B3GALT1: variants seen among roughly 807,000 people sequenced by gnomAD.
B3GALT1 encodes the protein UDP-Gal:betaGlcNAc beta 1,3-galactosyltransferase, polypeptide 1.
A neutral mutation model predicts 23.2 loss-of-function variants in B3GALT1; 10 were observed. That is an observed-to-expected ratio of 0.43 (90% CI 0.27 to 0.73). B3GALT1 has a LOEUF of 0.73. Ranked by LOEUF, B3GALT1 falls within the 30% of genes least tolerant of loss-of-function variation. The probability of loss-of-function intolerance (pLI) is 0.21; values close to 1 mark genes in which losing one functional copy is unlikely to be tolerated. For missense variants in B3GALT1, 299 were observed against 405.4 expected (o/e 0.74, Z 2.25); for synonymous variants, 156 against 141.5 (o/e 1.10, Z -0.73).
chr2:167,383,491 C>G (rs903601281), intron 1 of B3GALT1, among the ~76,000 whole-genome samples: 1 of 152,100 alleles, frequency 6.6e-6, no homozygotes, highest in Non-Finnish European at 1.5e-5. Context: ...CACTGACCTT[C>G]CTGAGCTCTA....
intron 2 of B3GALT1, among the ~76,000 whole-genome samples, chr2:167,538,744 A>G (rs1574125966): frequency 6.6e-6 from 1 of 152,266 alleles, no homozygotes; most frequent in Admixed American, 6.5e-5. Context: ...AGAACATTAT[A>G]TAAATCATAG....
At position 167,748,430 on chromosome 2, in the gene B3GALT1, T is replaced by C. The variant is rs1191577420; in HGVS notation, c.-351-70242T>C. The stretch of plus-strand genomic sequence containing the variant: ...TTCATTAAGTCTTCAAGGGAGAAAA[T>C]GGAAATTAAAATATCTCTTGAAGCT... On this transcript the variant is annotated intron_variant, in intron 3 of 4. Coordinates refer to ENST00000392690, the MANE Select transcript of B3GALT1 (RefSeq NM_020981.4). 2.0e-5 allele frequency among the ~76,000 whole-genome samples: 3 copies of C among 152,136 alleles called. No individual in the cohort carries two copies. In the South Asian group the frequency reaches 6.2e-4, roughly 32 times the overall value.
intron 1 of B3GALT1, among the ~76,000 whole-genome samples, chr2:167,445,800 G>C (rs1005112086): frequency 6.6e-6 from 1 of 152,088 alleles, no homozygotes. Context: ...ACACTGATGG[G>C]TCTTGACTCT....
rs58834919 is a variant in B3GALT1, at chr2:167,713,751, G to A, written c.-352+66785G>A. 8.9e-4 allele frequency: 1,408 copies of A among 1,583,776 alleles called. 4 individuals carry two copies. In the African/African-American group the frequency reaches 0.014, roughly 15 times the overall value. On this transcript the variant is annotated intron_variant, in intron 3 of 4. Transcript: ENST00000392690. ...ACTTGCTTCTACCTTCAGAATGTGG[G>A]GTTGGGGTAAAATCCAGGTCTTGGA...
chr2:167,397,403 A>G (rs187692131), intron 1 of B3GALT1, among the ~76,000 whole-genome samples: 1 of 152,176 alleles, frequency 6.6e-6, no homozygotes, highest in Non-Finnish European at 1.5e-5. Flanking sequence ...TTTTTAAATA[A>G]TTCTCAAATC....
chr2:167,471,226 A>G (rs1284719180), intron 1 of B3GALT1, among the ~76,000 whole-genome samples: 1 of 152,196 alleles, frequency 6.6e-6, no homozygotes, highest in Admixed American at 6.6e-5. Context: ...GATAGTAAAA[A>G]TACGTGCATT....
intron 1 of B3GALT1, among the ~76,000 whole-genome samples, chr2:167,427,897 C>G (rs1031873821): frequency 3.3e-5 from 5 of 152,102 alleles, no homozygotes; most frequent in African/African-American, 1.2e-4. Context: ...TCCACAAAAC[C>G]CTCTAAGTTA....
rs142654150 is a variant in B3GALT1, at chr2:167,609,855, A to C, written c.-409-37054A>C. ...ACCACCATGTTTACCACAATGGTGT[A>C]AGTGCAAGCAGGAAGAGAATAAAGA... is the stretch of plus-strand genomic sequence containing the variant. On this transcript the variant is annotated intron_variant, in intron 2 of 4. Coordinates refer to ENST00000392690, the MANE Select transcript of B3GALT1 (RefSeq NM_020981.4). 3.3e-3 allele frequency among the ~76,000 whole-genome samples: 495 copies of C among 152,212 alleles called. 3 individuals are homozygous for C. The highest frequency in any genetic ancestry group is 5.2e-3 in the Non-Finnish European group (351 of 68,016).
At chr2:167,518,679 T>C (rs1700138424) in intron 2 of B3GALT1, among the ~76,000 whole-genome samples, 1 of 152,194 alleles carries the variant, frequency 6.6e-6, no homozygotes, top group Non-Finnish European at 1.5e-5. Flanking sequence ...TCTCGGGATG[T>C]GCAGTCAATG....
At chr2:167,692,642 C>A (rs572566851) in intron 3 of B3GALT1, among the ~76,000 whole-genome samples, 3 of 152,094 alleles carry the variant, frequency 2.0e-5, no homozygotes, top group South Asian at 4.2e-4. Flanking sequence ...TCTTTCTTTG[C>A]ACTTAAACAG....
intron 4 of B3GALT1, among the ~76,000 whole-genome samples, 185 bp from the exon 5 acceptor site, chr2:167,868,626 G>T (rs1690280754): frequency 6.6e-6 from 1 of 151,994 alleles, no homozygotes; most frequent in African/African-American, 2.4e-5. Context: ...TACATACACA[G>T]CTTCTATCAA....
intron 2 of B3GALT1, among the ~76,000 whole-genome samples, chr2:167,499,441 C>T (rs1431910): frequency 0.047 from 7,095 of 151,978 alleles, 544 homozygotes; most frequent in African/African-American, 0.16. Flanking sequence ...TTATTTGGTA[C>T]TATGAGACTC....
intron 2 of B3GALT1, among the ~76,000 whole-genome samples, chr2:167,634,320 G>C (rs1375189590): frequency 6.6e-6 from 1 of 152,024 alleles, no homozygotes; most frequent in Non-Finnish European, 1.5e-5. Flanking sequence ...ACATTCAAAA[G>C]CTAGCAGAAG....
intron 1 of B3GALT1, among the ~76,000 whole-genome samples, chr2:167,443,560 G>C (rs547086250): frequency 2.6e-5 from 4 of 152,260 alleles, no homozygotes. Flanking sequence ...GCAGTGGTTT[G>C]TAGTTCTCCT....
intron 1 of B3GALT1, among the ~76,000 whole-genome samples, chr2:167,444,974 T>A (rs559145938): frequency 6.6e-6 from 1 of 152,244 alleles, no homozygotes; most frequent in Non-Finnish European, 1.5e-5. Flanking sequence ...CAATTTTAGA[T>A]CTTTCCTGCT....
chr2:167,374,098 A>G (rs1697727835), intron 1 of B3GALT1, among the ~76,000 whole-genome samples: 1 of 152,122 alleles, frequency 6.6e-6, no homozygotes, highest in Non-Finnish European at 1.5e-5. Flanking sequence ...CTCCTTTTCA[A>G]GTGAGAACAT....
intron 1 of B3GALT1, among the ~76,000 whole-genome samples, chr2:167,411,397 A>G (rs907134887): frequency 6.7e-4 from 87 of 129,540 alleles, no homozygotes; most frequent in South Asian, 1.3e-3. Flanking sequence ...AAAAAAAAAA[A>G]AACCACACAA....
intron 2 of B3GALT1, among the ~76,000 whole-genome samples, chr2:167,556,569 G>A (rs1683856787): frequency 1.3e-5 from 2 of 152,098 alleles, no homozygotes; most frequent in Admixed American, 1.3e-4. Flanking sequence ...CAATAATGAA[G>A]TTTTATTTTG....
chr2:167,353,962 TA>T (rs1217216300), intron 1 of B3GALT1, among the ~76,000 whole-genome samples: 2 of 152,290 alleles, frequency 1.3e-5, no homozygotes, highest in East Asian at 3.9e-4. Context: ...CTTAAGGAGC[TA>T]AATTCATAAA....
Sources: allele counts gnomAD v4.1 joint callset (sites outside exome capture counted in the v4.1 genomes callset), GRCh38; gene constraint gnomAD v4.1.1; transcripts MANE v1.5; gene names NCBI Gene and HGNC (gene_info 2026-07-23, HGNC 2026-07-21).